DGKB: variants seen among roughly 807,000 people sequenced by gnomAD.
DGKB encodes the protein diacylglycerol kinase beta.
A neutral mutation model predicts 114.3 loss-of-function variants in DGKB; 67 were observed. The observed-to-expected ratio is 0.59, with a 90% CI of 0.48 to 0.72. The LOEUF (loss-of-function observed/expected upper bound fraction) is 0.72, where lower values mean the gene tolerates loss of function less well. DGKB is among the 30% of genes least tolerant of loss of function. The probability of loss-of-function intolerance (pLI) is 0.00; values close to 1 mark genes in which losing one functional copy is unlikely to be tolerated. For missense variants in DGKB, 907 were observed against 975.2 expected (o/e 0.93, Z 0.93); for synonymous variants, 398 against 323.1 (o/e 1.23, Z -2.49).
chr7:14,832,006 C>T lies in DGKB; in HGVS notation c.70+9188G>A, dbSNP rs1846484457. Reference sequence around the variant, plus strand: ...TATAGAAAAAGAAAAGATAGTAGAACAATAACTCAGTACATCCTAATAATA... The same window carrying T: ...TATAGAAAAAGAAAAGATAGTAGAATAATAACTCAGTACATCCTAATAATA... On this transcript the variant is annotated intron_variant, in intron 2 of 25. Coordinates refer to ENST00000402815, the MANE Select transcript of DGKB (RefSeq NM_001350709.2). Among the ~76,000 whole-genome samples, 9 of 151,888 alleles carry T rather than the reference C, an allele frequency of 5.9e-5. 1 individual carries two copies. The South Asian group carries it at 1.9e-3, about 31-fold the overall frequency.
At chr7:14,803,681 G>C (rs899326046) in intron 2 of DGKB, among the ~76,000 whole-genome samples, 1 of 146,446 alleles carries the variant, frequency 6.8e-6, no homozygotes, top group African/African-American at 2.6e-5. Context: ...TATGCGTTTT[G>C]GTCTACTAAG....
chr7:14,253,059 G>A (rs1444266170), intron 23 of DGKB, among the ~76,000 whole-genome samples: 1 of 151,040 alleles, frequency 6.6e-6, no homozygotes, highest in Non-Finnish European at 1.5e-5. Flanking sequence ...TTTAGAGGGG[G>A]AGTCTCGCTG....
chr7:14,333,318 G>T (rs1390812186), intron 23 of DGKB, among the ~76,000 whole-genome samples: 1 of 151,818 alleles, frequency 6.6e-6, no homozygotes, highest in African/African-American at 2.4e-5. Flanking sequence ...AAAATTAGCC[G>T]GACATGGTGG....
Position 14,154,685 on chromosome 7 carries a change from T to TAA in DGKB, c.2305-5449_2305-5448dup, listed in dbSNP as rs148340926. The stretch of plus-strand genomic sequence containing the variant: ...GTAGAGTATACCTAAAACTAATCCA[T>TAA]AAAAAAAAAACAAACAAACAACAAA... On this transcript the variant is annotated intron_variant, in intron 25 of 25. Transcript: ENST00000402815. Among the ~76,000 whole-genome samples, 1,213 of 143,730 alleles carry TAA rather than the reference T, an allele frequency of 8.4e-3. 17 individuals are homozygous for TAA. The highest frequency in any genetic ancestry group is 0.029 in the African/African-American group (1,159 of 39,488). 94.3% of individuals were successfully genotyped at this position (143,730 alleles called of 152,430 possible). A position where few individuals can be genotyped will look rare whatever the true frequency, so the allele number is the denominator to read the frequency against.
At chr7:14,885,015 T>C (rs562325127) in intron 1 of DGKB, among the ~76,000 whole-genome samples, 43 of 151,904 alleles carry the variant, frequency 2.8e-4, no homozygotes, top group Non-Finnish European at 5.6e-4. Context: ...AAGGGCTTAG[T>C]TGAAATGCTC....
At chr7:14,490,532 A>G (rs912926882) in intron 20 of DGKB, among the ~76,000 whole-genome samples, 1 of 152,064 alleles carries the variant, frequency 6.6e-6, no homozygotes, top group African/African-American at 2.4e-5. Flanking sequence ...GGTCCATTCC[A>G]CCCTTCATTA....
chr7:14,176,251 A>G (rs1260600166), intron 25 of DGKB: 1 of 806,484 alleles, frequency 1.2e-6, no homozygotes, highest in Non-Finnish European at 1.5e-6. Flanking sequence ...AGTTCCTAGC[A>G]TGTTTTTGAA....
At chr7:14,312,211 G>A (rs1009076283) in intron 23 of DGKB, among the ~76,000 whole-genome samples, 4 of 152,174 alleles carry the variant, frequency 2.6e-5, no homozygotes, top group Admixed American at 1.3e-4. Context: ...ATGCAGTATA[G>A]AGACCTGAAA....
chr7:14,161,657 G>A (rs942109081), intron 25 of DGKB, among the ~76,000 whole-genome samples: 2 of 151,768 alleles, frequency 1.3e-5, no homozygotes, highest in Non-Finnish European at 2.9e-5. Flanking sequence ...CACACACCAG[G>A]GCCTGTTGGG....
At chr7:14,920,944 C>T (rs560664577) in intron 1 of DGKB, among the ~76,000 whole-genome samples, 91 of 152,084 alleles carry the variant, frequency 6.0e-4, no homozygotes, top group African/African-American at 2.1e-3. Context: ...TTCATTCCCA[C>T]TTTAAATTTT....
At chr7:14,397,058 A>G (rs1822326274) in intron 21 of DGKB, among the ~76,000 whole-genome samples, 1 of 152,144 alleles carries the variant, frequency 6.6e-6, no homozygotes, top group African/African-American at 2.4e-5. Flanking sequence ...AGAGAGAGAG[A>G]GAAATTTACA....
chr7:14,558,079 CTG>C (rs1033722100), intron 20 of DGKB, among the ~76,000 whole-genome samples: 1 of 150,662 alleles, frequency 6.6e-6, no homozygotes, highest in African/African-American at 2.4e-5. Flanking sequence ...ACATTTTTAT[CTG>C]TCTCTTTATA....
intron 23 of DGKB, among the ~76,000 whole-genome samples, chr7:14,295,927 A>C (rs113399261): frequency 6.6e-6 from 1 of 151,116 alleles, no homozygotes; most frequent in African/African-American, 2.4e-5. Flanking sequence ...TTATTGTTCA[A>C]CTCCTACTTA....
chr7:14,443,369 T>C (rs1830326493), intron 21 of DGKB, among the ~76,000 whole-genome samples: 1 of 152,126 alleles, frequency 6.6e-6, no homozygotes, highest in African/African-American at 2.4e-5. Flanking sequence ...CAAGCTGCTT[T>C]TCTTCTCGTA....
At chr7:14,304,927 T>C (rs1804217637) in intron 23 of DGKB, among the ~76,000 whole-genome samples, 2 of 152,154 alleles carry the variant, frequency 1.3e-5, no homozygotes, top group African/African-American at 4.8e-5. Flanking sequence ...TACTGTATTA[T>C]CTATGACTTT....
intron 21 of DGKB, among the ~76,000 whole-genome samples, chr7:14,442,764 T>G (rs1830243199): frequency 6.6e-6 from 1 of 152,162 alleles, no homozygotes; most frequent in Non-Finnish European, 1.5e-5. Context: ...CAGGCTGGAC[T>G]CAAACTCCCT....
chr7:14,973,518 TG>T (rs1787606609), intron 1 of DGKB, among the ~76,000 whole-genome samples: 1 of 134,890 alleles, frequency 7.4e-6, no homozygotes, highest in Admixed American at 7.3e-5. Context: ...GTTTGTTTTT[TG>T]TTTTTTTGTT....
intron 23 of DGKB, among the ~76,000 whole-genome samples, chr7:14,307,205 A>G (rs563495352): frequency 2.1e-4 from 32 of 152,346 alleles, no homozygotes; most frequent in African/African-American, 7.7e-4. Context: ...GGACTATAGT[A>G]AGAATCCAAT....
chr7:14,703,551 A>G (rs1188966397), intron 6 of DGKB, among the ~76,000 whole-genome samples: 1 of 152,194 alleles, frequency 6.6e-6, no homozygotes, highest in Non-Finnish European at 1.5e-5. Context: ...CCCAGGCTCC[A>G]CCACACAGAA....
Sources: gnomAD v4.1 joint callset for allele counts (sites outside exome capture counted in the v4.1 genomes callset) on GRCh38, gnomAD v4.1.1 for gene constraint, MANE v1.5 for transcripts, NCBI Gene and HGNC (gene_info 2026-07-23, HGNC 2026-07-21) for gene names.